GALNT10: variants seen among roughly 807,000 people sequenced by gnomAD.
GALNT10 encodes the protein polypeptide N-acetylgalactosaminyltransferase 10, also known as GalNAc transferase 10.
GALNT10 carries 41 observed loss-of-function variants against 75.0 expected under a neutral mutation model. That is an observed-to-expected ratio of 0.55 (90% CI 0.43 to 0.71). The LOEUF is 0.71. Ranked by LOEUF, GALNT10 falls within the 30% of genes least tolerant of loss-of-function variation. The pLI is 0.00. For missense variants in GALNT10, 727 were observed against 818.5 expected, an observed-to-expected ratio of 0.89 and a Z score of 1.36; for synonymous variants, 302 against 313.0, an observed-to-expected ratio of 0.96 and a Z score of 0.37.
At chr5:154,407,300 T>C (rs1756301424) in intron 8 of GALNT10, among the ~76,000 whole-genome samples, 1 of 152,154 alleles carries the variant, frequency 6.6e-6, no homozygotes. Context: ...CAAGGTCCTT[T>C]TTATGTCTCT....
At chr5:154,323,733 C>A (rs1053121968) in intron 3 of GALNT10, among the ~76,000 whole-genome samples, 1 of 152,244 alleles carries the variant, frequency 6.6e-6, no homozygotes, top group Non-Finnish European at 1.5e-5. Context: ...CCCTCAGCAT[C>A]CCTTCCTCCT....
intron 1 of GALNT10, among the ~76,000 whole-genome samples, chr5:154,262,568 G>A (rs1753714950): frequency 1.3e-5 from 2 of 152,076 alleles, no homozygotes; most frequent in African/African-American, 2.4e-5. Flanking sequence ...CATCAGAAAC[G>A]CTCTTCTCCA....
intron 1 of GALNT10, among the ~76,000 whole-genome samples, chr5:154,229,668 C>G (rs1753117719): frequency 6.6e-6 from 1 of 152,078 alleles, no homozygotes; most frequent in African/African-American, 2.4e-5. Context: ...AGGAGGCGCA[C>G]CTTGCGGTGA....
rs532356701 is a variant in GALNT10, at chr5:154,193,595, C to T, written c.159+2570C>T. 1.2e-4 allele frequency among the ~76,000 whole-genome samples: 18 copies of T among 152,326 alleles called. No homozygotes were observed. In the South Asian group the frequency reaches 1.7e-3, roughly 14 times the overall value. On this transcript the variant is annotated intron_variant, in intron 1 of 11. Coordinates refer to ENST00000297107, the MANE Select transcript of GALNT10 (RefSeq NM_198321.4). ...GTAATTGTTGAGAATCATCTTTGAG[C>T]ATCTCGTTGATCCTTCTGGTAGAAA...
Position 154,262,661 on chromosome 5 carries a change from A to G in GALNT10, c.160-32155A>G, listed in dbSNP as rs181200342. ...TTTAAGAGGTTGAGAAGCATTTACC[A>G]GGTAAGAGCCACTAGGTCATTGTGC... On this transcript the variant is annotated intron_variant, in intron 1 of 11. Coordinates refer to ENST00000297107, the MANE Select transcript of GALNT10 (RefSeq NM_198321.4). Among the ~76,000 whole-genome samples the G allele has an allele frequency of 1.2e-4, 18 of 152,292 alleles. No individual in the cohort carries two copies. In the East Asian group the frequency reaches 3.3e-3, roughly 28 times the overall value.
chr5:154,227,541 A>G (rs990436301), intron 1 of GALNT10, among the ~76,000 whole-genome samples: 4 of 152,076 alleles, frequency 2.6e-5, no homozygotes, highest in African/African-American at 9.7e-5. Flanking sequence ...AGTCCTTTAT[A>G]TTCTATATAC....
At chr5:154,373,401 G>A (rs1488041741) in intron 4 of GALNT10, among the ~76,000 whole-genome samples, 1 of 152,188 alleles carries the variant, frequency 6.6e-6, no homozygotes, top group Non-Finnish European at 1.5e-5. Flanking sequence ...TGGTGCAGTA[G>A]CAAGAGCCTG....
intron 6 of GALNT10, among the ~76,000 whole-genome samples, chr5:154,384,112 G>A (rs752882935): frequency 8.3e-4 from 126 of 152,116 alleles, no homozygotes; most frequent in Non-Finnish European, 1.4e-3. Flanking sequence ...ACAGCAGCAT[G>A]GGGGTAACTG....
intron 4 of GALNT10, among the ~76,000 whole-genome samples, chr5:154,347,759 T>C (rs1755151594): frequency 2.0e-5 from 3 of 152,318 alleles, no homozygotes; most frequent in Non-Finnish European, 2.9e-5. Flanking sequence ...AGGGACCAGG[T>C]TGAGCCAGAC....
At chr5:154,276,505 T>A (rs985441199) in intron 1 of GALNT10, among the ~76,000 whole-genome samples, 1 of 152,180 alleles carries the variant, frequency 6.6e-6, no homozygotes, top group African/African-American at 2.4e-5. Flanking sequence ...CTTGATGTAA[T>A]CACAGGAGTG....
intron 4 of GALNT10, chr5:154,347,209 A>T: frequency 2.1e-6 from 1 of 479,216 alleles, no homozygotes; most frequent in Non-Finnish European, 4.1e-6. Flanking sequence ...CCAACCTCAC[A>T]GGACTCAGTG....
At chr5:154,229,505 G>A (rs1245437016) in intron 1 of GALNT10, among the ~76,000 whole-genome samples, 1 of 151,870 alleles carries the variant, frequency 6.6e-6, no homozygotes, top group African/African-American at 2.4e-5. Flanking sequence ...GAGGCAGGTG[G>A]ATCACGAGGT....
intron 1 of GALNT10, among the ~76,000 whole-genome samples, chr5:154,256,068 C>G (rs1399894298): frequency 1.3e-5 from 2 of 152,132 alleles, no homozygotes; most frequent in Non-Finnish European, 2.9e-5. Context: ...GCTCCCTGAG[C>G]TCCCAGATCT....
chr5:154,202,626 C>T (rs941841010), intron 1 of GALNT10, among the ~76,000 whole-genome samples: 77 of 152,228 alleles, frequency 5.1e-4, no homozygotes, highest in African/African-American at 1.8e-3. Flanking sequence ...CTCTTAGCTA[C>T]CATGTTTTAT....
At chr5:154,197,106 G>A (rs1486878153) in intron 1 of GALNT10, among the ~76,000 whole-genome samples, 2 of 152,172 alleles carry the variant, frequency 1.3e-5, no homozygotes, top group Admixed American at 6.5e-5. Flanking sequence ...GATTAGCTGT[G>A]TGGACCTCAG....
rs57710576 is a variant in GALNT10 at position 154,363,492 on chromosome 5, G to GAAAAA, written c.569-12760_569-12756dup. Among the ~76,000 whole-genome samples, 42 of 37,534 alleles carry GAAAAA rather than the reference G, an allele frequency of 1.1e-3. 5 individuals are homozygous for GAAAAA. Among genetic ancestry groups the GAAAAA allele is most frequent in the Non-Finnish European group, 1.8e-3 (33 of 18,488 alleles). The allele number at this position is 37,534 out of a possible 152,430, so 24.6% of individuals were successfully genotyped here. On this transcript the variant is annotated intron_variant, in intron 4 of 11. Transcript: ENST00000297107. Reference sequence around the variant, plus strand: ...AAGGATTTTGTGCCAGCGTTTATCTGAAAAAAAAAAAAAAAAAAAAAAAAA... The same window carrying GAAAAA: ...AAGGATTTTGTGCCAGCGTTTATCTGAAAAAAAAAAAAAAAAAAAAAAAAAAAAAA...
chr5:154,405,174 G>A (rs903802826), intron 8 of GALNT10, among the ~76,000 whole-genome samples: 3 of 152,172 alleles, frequency 2.0e-5, no homozygotes, highest in African/African-American at 7.2e-5. Flanking sequence ...ACTGCCTCCT[G>A]TCCAGGGCGC....
In GALNT10 at chr5:154,228,456, G is replaced by A. The variant is rs190497940; in HGVS notation, c.159+37431G>A. Among the ~76,000 whole-genome samples the A allele has an allele frequency of 2.6e-4, 39 of 152,280 alleles. No homozygotes were observed. The East Asian group carries it at 5.4e-3, about 21-fold the overall frequency. ...TCCTTCGAGGGCTAGGTAAAGGCGG[G>A]CTCCTCCAGTAAAGATTGGCATTTG... On this transcript the variant is annotated intron_variant, in intron 1 of 11. Coordinates refer to ENST00000297107, the MANE Select transcript of GALNT10 (RefSeq NM_198321.4).
intron 1 of GALNT10, among the ~76,000 whole-genome samples, chr5:154,291,607 C>T (rs546357363): frequency 2.6e-5 from 4 of 152,272 alleles, no homozygotes; most frequent in South Asian, 2.1e-4. Context: ...ATCCTAGCAG[C>T]GACCCAACTT....
Sources: gnomAD v4.1 joint callset for allele counts (sites outside exome capture counted in the v4.1 genomes callset) on GRCh38, gnomAD v4.1.1 for gene constraint, MANE v1.5 for transcripts, NCBI Gene and HGNC (gene_info 2026-07-23, HGNC 2026-07-21) for gene names.